The following CAMKMT variants were observed in gnomAD, a reference collection of about 807,000 sequenced individuals.
CAMKMT encodes the protein CaM KMT.
Under a neutral mutation model 48.0 loss-of-function variants are expected in CAMKMT, and 53 were observed. The observed-to-expected ratio is 1.10, with a 90% CI of 0.89 to 1.39. CAMKMT has a LOEUF of 1.39. Ranked by LOEUF, CAMKMT falls within the 40% of genes most tolerant of loss-of-function variation. CAMKMT has a pLI of 0.00. For synonymous variants in CAMKMT, 165 were observed against 152.3 expected (o/e 1.08, Z -0.61); for missense variants, 428 against 402.7 (o/e 1.06, Z -0.54).
intron 6 of CAMKMT, among the ~76,000 whole-genome samples, chr2:44,710,550 GA>G (rs1304734650): frequency 2.0e-5 from 3 of 152,060 alleles, no homozygotes; most frequent in African/African-American, 7.2e-5. Flanking sequence ...GGATAAATTA[GA>G]AATGGGATCA....
intron 3 of CAMKMT, among the ~76,000 whole-genome samples, chr2:44,423,690 C>T (rs150930762): frequency 2.0e-5 from 3 of 152,270 alleles, no homozygotes; most frequent in Admixed American, 6.5e-5. Flanking sequence ...GTGTTTTCTG[C>T]ACTTAACACT....
At chr2:44,730,181 G>A (rs553328870) in intron 7 of CAMKMT, among the ~76,000 whole-genome samples, 5 of 152,312 alleles carry the variant, frequency 3.3e-5, no homozygotes, top group South Asian at 2.1e-4. Context: ...AGCTTAAAGC[G>A]TGAGTGTGTT....
intron 3 of CAMKMT, among the ~76,000 whole-genome samples, chr2:44,414,913 T>C: frequency 6.6e-6 from 1 of 152,198 alleles, no homozygotes; most frequent in East Asian, 1.9e-4. Context: ...CCCAGCATGC[T>C]GGGAGGCCGA....
intron 8 of CAMKMT, among the ~76,000 whole-genome samples, chr2:44,744,779 T>TA (rs1473847886): frequency 6.6e-6 from 1 of 152,110 alleles, no homozygotes; most frequent in Non-Finnish European, 1.5e-5. Flanking sequence ...GAATTAGGTT[T>TA]GCTTTTTTTC....
At chr2:44,505,573 G>A (rs1049525149) in intron 3 of CAMKMT, among the ~76,000 whole-genome samples, 2 of 152,292 alleles carry the variant, frequency 1.3e-5, no homozygotes, top group Middle Eastern at 3.4e-3. Flanking sequence ...TAAGGTGGGA[G>A]TTTTTGGTGA....
chr2:44,453,298 C>G (rs1045127665), intron 3 of CAMKMT, among the ~76,000 whole-genome samples: 17 of 152,058 alleles, frequency 1.1e-4, no homozygotes, highest in African/African-American at 4.1e-4. Flanking sequence ...AATGTTTGTA[C>G]TAGTGAGTCA....
chr2:44,669,011 G>T (rs1439347211), intron 3 of CAMKMT, among the ~76,000 whole-genome samples: 1 of 152,094 alleles, frequency 6.6e-6, no homozygotes, highest in Non-Finnish European at 1.5e-5. Flanking sequence ...TTGAACTCCA[G>T]AGCTCAGGCA....
intron 1 of CAMKMT, among the ~76,000 whole-genome samples, chr2:44,366,914 G>C (rs982652375): frequency 2.6e-5 from 4 of 151,998 alleles, no homozygotes; most frequent in Non-Finnish European, 5.9e-5. Flanking sequence ...TGGCAGGGAT[G>C]GGGTTTTGCC....
chr2:44,649,970 A>G (rs896519673), intron 3 of CAMKMT, among the ~76,000 whole-genome samples: 1 of 152,226 alleles, frequency 6.6e-6, no homozygotes, highest in African/African-American at 2.4e-5. Flanking sequence ...AGCAAACTAC[A>G]GTGCCTGCCA....
chr2:44,594,510 C>T lies in CAMKMT; in HGVS notation c.377-109773C>T, dbSNP rs576977793. On this transcript the variant is annotated intron_variant, in intron 3 of 10. Transcript: ENST00000378494. ...CAGAGGCCTCAGAAATAACACCACA[C>T]ATCTAAAACCATCTGATCTTTGACA... is the stretch of plus-strand genomic sequence containing the variant. 4.6e-5 allele frequency among the ~76,000 whole-genome samples: 7 copies of T among 152,264 alleles called. No individual in the cohort carries two copies. The East Asian group carries it at 9.6e-4, about 21-fold the overall frequency.
intron 9 of CAMKMT, among the ~76,000 whole-genome samples, chr2:44,766,046 T>C (rs999158403): frequency 6.6e-5 from 10 of 152,190 alleles, no homozygotes; most frequent in African/African-American, 2.4e-4. Flanking sequence ...TGGGGAAGCG[T>C]TGGCAGGTGC....
rs1264815019 is a variant in CAMKMT at position 44,707,452 on chromosome 2, G to A, written c.546G>A (p.Lys182=). 1 of 1,612,156 alleles carries A rather than the reference G, an allele frequency of 6.2e-7. No homozygotes were observed. The highest frequency in any genetic ancestry group is 1.7e-5 in the Admixed American group (1 of 59,880). The change falls in exon 6 of 11, where the codon AAG becomes AAA. Residue 182 remains lysine, a synonymous_variant. Transcript: ENST00000378494. ...TTCTGTTAACTGATGGGAATGAAAAGGCCATCAGAAGTATCCTTATTCAGA... is the reference window on the plus strand; with the variant it reads ...TTCTGTTAACTGATGGGAATGAAAAAGCCATCAGAAGTATCCTTATTCAGA... ...KEVLLTDGNE[K]AIRNVQDIIT...
At chr2:44,580,282 G>A (rs888905704) in intron 3 of CAMKMT, among the ~76,000 whole-genome samples, 4 of 60,482 alleles carry the variant, frequency 6.6e-5, no homozygotes, top group Non-Finnish European at 2.0e-4. Context: ...ATAAAATAAA[G>A]TGTGCTGAAT....
intron 3 of CAMKMT, among the ~76,000 whole-genome samples, chr2:44,603,667 A>G (rs1159252089): frequency 3.3e-5 from 5 of 152,318 alleles, no homozygotes; most frequent in South Asian, 2.1e-4. Flanking sequence ...TCACTTGATA[A>G]ATTCCTGGAA....
At chr2:44,628,783 T>C (rs1320575914) in intron 3 of CAMKMT, among the ~76,000 whole-genome samples, 1 of 152,232 alleles carries the variant, frequency 6.6e-6, no homozygotes, top group Non-Finnish European at 1.5e-5. Context: ...TATACATTTT[T>C]TAAACAGTAT....
intron 3 of CAMKMT, among the ~76,000 whole-genome samples, chr2:44,409,279 T>G (rs1208793545): frequency 1.3e-5 from 2 of 151,762 alleles, no homozygotes; most frequent in Non-Finnish European, 2.9e-5. Context: ...TGTATTATCT[T>G]AATAGTTAGT....
At chr2:44,452,230 G>T (rs533352550) in intron 3 of CAMKMT, among the ~76,000 whole-genome samples, 1 of 152,100 alleles carries the variant, frequency 6.6e-6, no homozygotes, top group South Asian at 2.1e-4. Context: ...TAAAATGTGG[G>T]TGTGTATTCT....
intron 1 of CAMKMT, among the ~76,000 whole-genome samples, chr2:44,366,018 G>A (rs1358826531): frequency 1.3e-5 from 2 of 152,176 alleles, no homozygotes; most frequent in Non-Finnish European, 2.9e-5. Flanking sequence ...AATCTTTCTA[G>A]GTATTTGTAA....
intron 3 of CAMKMT, among the ~76,000 whole-genome samples, chr2:44,640,012 C>T (rs1044350740): frequency 3.9e-5 from 6 of 152,162 alleles, no homozygotes; most frequent in African/African-American, 1.4e-4. Context: ...ATCAAGTACC[C>T]AGCAAATACC....
Sources: gnomAD v4.1 joint callset for allele counts (sites outside exome capture counted in the v4.1 genomes callset) on GRCh38, gnomAD v4.1.1 for gene constraint, MANE v1.5 for transcripts, NCBI Gene and HGNC (gene_info 2026-07-23, HGNC 2026-07-21) for gene names.